The following ANKRD33B variants were observed in gnomAD, a reference collection of about 807,000 sequenced individuals.
The protein encoded by ANKRD33B is ankyrin repeat domain-containing protein 33B.
ANKRD33B carries 6 observed loss-of-function variants against 21.5 expected under a neutral mutation model. The ratio of observed to expected loss-of-function variants is 0.28; its 90% confidence interval spans 0.15 to 0.55. The LOEUF is 0.55. Among genes scored for constraint, ANKRD33B ranks in the 20% least tolerant of loss-of-function variants. The pLI is 0.94. For missense variants in ANKRD33B, 698 were observed against 747.2 expected, an observed-to-expected ratio of 0.93 and a Z score of 0.77; for synonymous variants, 347 against 342.4, an observed-to-expected ratio of 1.01 and a Z score of -0.15.
intron 1 of ANKRD33B, among the ~76,000 whole-genome samples, chr5:10,577,374 C>T (rs1386726010): frequency 6.6e-6 from 1 of 152,238 alleles, no homozygotes; most frequent in Non-Finnish European, 1.5e-5. Flanking sequence ...AAGTGATCCA[C>T]CAGCCTCAGC....
intron 1 of ANKRD33B, among the ~76,000 whole-genome samples, chr5:10,582,166 C>T (rs1212254582): frequency 6.6e-6 from 1 of 152,234 alleles, no homozygotes; most frequent in East Asian, 1.9e-4. Context: ...ACAGCCTGTC[C>T]AGTTCACAGG....
chr5:10,638,997 G>A (rs1736949189), intron 3 of ANKRD33B, among the ~76,000 whole-genome samples: 1 of 83,032 alleles, frequency 1.2e-5, no homozygotes, highest in Non-Finnish European at 2.7e-5. Flanking sequence ...GGAGTTGCGC[G>A]GCGATGTTAG....
Position 10,618,196 on chromosome 5 carries a change from G to T in ANKRD33B, c.367-137G>T. On this transcript the variant is annotated intron_variant, in intron 1 of 3. Transcript: ENST00000296657. Reference sequence around the variant, plus strand: ...GGCTGGCTCACTCTAAACCATCTCTGAGAATTGGGACTCCAGGTCCCTGTC... The same window carrying T: ...GGCTGGCTCACTCTAAACCATCTCTTAGAATTGGGACTCCAGGTCCCTGTC... 4.2e-6 allele frequency: 5 copies of T among 1,195,302 alleles called. 1 individual carries two copies. The South Asian group carries it at 7.4e-5, about 18-fold the overall frequency. The allele number at this position is 1,195,302 out of a possible 1,614,324, so 74.0% of individuals were successfully genotyped here.
At chr5:10,604,086 G>A (rs1440635349) in intron 1 of ANKRD33B, among the ~76,000 whole-genome samples, 1 of 150,224 alleles carries the variant, frequency 6.7e-6, no homozygotes, top group Admixed American at 6.6e-5. Flanking sequence ...TAGGGACGGA[G>A]TTTCACCATG....
intron 1 of ANKRD33B, among the ~76,000 whole-genome samples, chr5:10,608,430 C>T (rs1242435624): frequency 6.6e-6 from 1 of 150,834 alleles, no homozygotes; most frequent in Non-Finnish European, 1.5e-5. Context: ...CTGCAAAACA[C>T]AAGGCTGCAG....
At chr5:10,586,588 C>A (rs1735567574) in intron 1 of ANKRD33B, among the ~76,000 whole-genome samples, 1 of 149,862 alleles carries the variant, frequency 6.7e-6, no homozygotes, top group South Asian at 2.1e-4. Context: ...ACATTCAGAC[C>A]AACAAACAGT....
At position 10,649,642 on chromosome 5, in the gene ANKRD33B, G is replaced by A. The variant is rs1466663287; in HGVS notation, c.1014G>A (p.Arg338=). 1.3e-6 allele frequency: 2 copies of A among 1,531,006 alleles called. No individual in the cohort carries two copies. Among genetic ancestry groups the A allele is most frequent in the African/African-American group, 1.4e-5 (1 of 72,846 alleles). The allele number at this position is 1,531,006 out of a possible 1,614,324, so 94.8% of individuals were successfully genotyped here. Residue 338 remains arginine (R), a synonymous_variant, in exon 4 of 4, where the codon AGG becomes AGA. Coordinates refer to ENST00000296657, the MANE Select transcript of ANKRD33B (RefSeq NM_001164440.2). The stretch of plus-strand genomic sequence containing the variant: ...AGAGCCCTCCGAGCGTGGGGAAGAG[G>A]CGGCTGGCGGTGCAGGAGATCCTGG... ...CPESPPSVGK[R]RLAVQEILAA...
chr5:10,646,483 T>C (rs1737191592), intron 3 of ANKRD33B, among the ~76,000 whole-genome samples: 1 of 152,216 alleles, frequency 6.6e-6, no homozygotes, highest in South Asian at 2.1e-4. Flanking sequence ...TTCCTTAGAA[T>C]GTTTGTATTT....
chr5:10,564,721 A>G lies in ANKRD33B; in HGVS notation c.254A>G (p.Glu85Gly). 6.5e-7 allele frequency: 1 copy of G among 1,533,468 alleles called. No individual in the cohort carries two copies. The highest frequency in any genetic ancestry group is 8.7e-7 in the Non-Finnish European group (1 of 1,145,822). The allele number at this position is 1,533,468 out of a possible 1,614,324, so 95.0% of individuals were successfully genotyped here. Residue 85 changes from glutamate (E) to glycine (G), a missense_variant, in exon 1 of 4, where the codon GAG becomes GGG. Physicochemically the swap from Glu to Gly is moderately conservative, Grantham distance 98 (BLOSUM62 -2). Around this residue, in one of 3 missense-constraint regions of ANKRD33B, gnomAD observed 148 missense variants for 154.9 expected, o/e 0.96. Coordinates refer to ENST00000296657, the MANE Select transcript of ANKRD33B (RefSeq NM_001164440.2). ...VPEGVPESVPETATLLRAACA... is the reference protein window; with the variant it reads ...VPEGVPESVPGTATLLRAACA... ...GAGGGCGTCCCGGAAAGCGTCCCGG[A>G]GACGGCGACCCTCCTGCGCGCCGCC...
At chr5:10,570,903 CTTTT>C (rs11301499) in intron 1 of ANKRD33B, among the ~76,000 whole-genome samples, 2 of 126,838 alleles carry the variant, frequency 1.6e-5, no homozygotes, top group East Asian at 2.3e-4. Context: ...CTCAAATAAC[CTTTT>C]TTTTTTTTTT....
chr5:10,610,505 T>C (rs12652856), intron 1 of ANKRD33B, among the ~76,000 whole-genome samples: 1 of 151,582 alleles, frequency 6.6e-6, no homozygotes, highest in Non-Finnish European at 1.5e-5. Flanking sequence ...CTCAGGTGCA[T>C]CAGGAGATAC....
chr5:10,605,102 G>A (rs1579729200), intron 1 of ANKRD33B, among the ~76,000 whole-genome samples: 1 of 152,312 alleles, frequency 6.6e-6, no homozygotes, highest in Admixed American at 6.5e-5. Flanking sequence ...GCAGTTAGCT[G>A]GGGGCCTCAG....
At chr5:10,594,982 C>T (rs1735787474) in intron 1 of ANKRD33B, among the ~76,000 whole-genome samples, 1 of 152,190 alleles carries the variant, frequency 6.6e-6, no homozygotes, top group South Asian at 2.1e-4. Flanking sequence ...TGGTGGGACC[C>T]AGCAGGGCCA....
rs181259002 is a variant in ANKRD33B, at chr5:10,649,790, C to T, written c.1162C>T (p.Pro388Ser). The T allele has an allele frequency of 1.7e-4, 235 of 1,397,706 alleles. No individual in the cohort carries two copies. The Middle Eastern group carries it at 2.1e-3, about 12-fold the overall frequency. 86.6% of individuals were successfully genotyped at this position (1,397,706 alleles called of 1,614,324 possible). A position where few individuals can be genotyped will look rare whatever the true frequency, so the allele number is the denominator to read the frequency against. ...SREGSPRAGL[P>S]PALGSRGPAA... is the part of the protein sequence containing the mutation. ...GGAGGGCTCCCCGAGAGCCGGCCTC[C>T]CTCCCGCCCTGGGGTCCCGGGGCCC... Residue 388 changes from proline (P) to serine (S), a missense_variant, in exon 4 of 4, where the codon CCT becomes TCT. This residue lies in a region of ANKRD33B where 543 missense variants were observed against 566.5 expected (regional missense o/e 0.96). Transcript: ENST00000296657.
intron 3 of ANKRD33B, among the ~76,000 whole-genome samples, chr5:10,641,211 T>G (rs1046616218): frequency 7.3e-4 from 85 of 115,706 alleles, no homozygotes; most frequent in Non-Finnish European, 1.2e-3. Flanking sequence ...GTCCCCAGTC[T>G]TCTTCTTCTT....
chr5:10,602,808 G>A (rs115473899), intron 1 of ANKRD33B, among the ~76,000 whole-genome samples: 3,343 of 145,084 alleles, frequency 0.023, 51 homozygotes, highest in Non-Finnish European at 0.036. Context: ...TCCATTGATT[G>A]CTTGTCATTT....
intron 1 of ANKRD33B, among the ~76,000 whole-genome samples, chr5:10,605,298 G>C (rs1471974376): frequency 6.6e-6 from 1 of 152,230 alleles, no homozygotes; most frequent in Non-Finnish European, 1.5e-5. Flanking sequence ...AGCATGGGAG[G>C]TGATCACCAA....
intron 1 of ANKRD33B, among the ~76,000 whole-genome samples, chr5:10,588,989 C>A (rs1351631458): frequency 6.6e-6 from 1 of 152,156 alleles, no homozygotes; most frequent in Non-Finnish European, 1.5e-5. Context: ...GCTTGACTAA[C>A]ATATTTTGAG....
At chr5:10,632,641 T>C (rs1251290855) in intron 2 of ANKRD33B, among the ~76,000 whole-genome samples, 1 of 152,216 alleles carries the variant, frequency 6.6e-6, no homozygotes. Context: ...CGTGGCTTCC[T>C]GGTGAGCTCC....
Sources: gnomAD v4.1 joint callset for allele counts (sites outside exome capture counted in the v4.1 genomes callset) on GRCh38, gnomAD v4.1.1 for gene constraint, gnomAD v4.1.1 regional missense constraint, MANE v1.5 for transcripts, NCBI Gene and HGNC (gene_info 2026-07-23, HGNC 2026-07-21) for gene names.